SYNPO: variants seen among roughly 807,000 people sequenced by gnomAD.
The protein encoded by SYNPO is synaptopodin.
SYNPO carries 19 observed loss-of-function variants against 49.5 expected under a neutral mutation model. That is an observed-to-expected ratio of 0.38 (90% confidence interval 0.27 to 0.56). The LOEUF (loss-of-function observed/expected upper bound fraction) is 0.56. Ranked by LOEUF, SYNPO falls within the 20% of genes least tolerant of loss-of-function variation. The probability of loss-of-function intolerance (pLI) is 0.68; values close to 1 mark genes in which losing one functional copy is unlikely to be tolerated. For missense variants in SYNPO, 1,131 were observed against 1,248.3 expected, an observed-to-expected ratio of 0.91 and a Z score of 1.42; for synonymous variants, 536 against 548.0, an observed-to-expected ratio of 0.98 and a Z score of 0.31.
rs1758170809 is a variant in SYNPO, at chr5:150,648,044, T to C, written c.-232T>C. On this transcript the variant is annotated 5_prime_UTR_variant, in exon 2 of 3. Coordinates refer to ENST00000307662, the MANE Select transcript of SYNPO (RefSeq NM_007286.6). This position sits in a 1 kb window ranked among gnomAD's most constrained non-coding sequence, Gnocchi z 5.0. ...AGCTGACCACCCCTCCCAGCTCCAA[T>C]TCCCGTGGCGTCCAGCTCTTCAACA... 6.4e-7 allele frequency: 1 copy of C among 1,551,764 alleles called. No homozygotes were observed. Among genetic ancestry groups the C allele is most frequent in the Middle Eastern group, 1.7e-4 (1 of 5,992 alleles).
intron 2 of SYNPO, among the ~76,000 whole-genome samples, chr5:150,635,615 T>C (rs1210594491): frequency 6.6e-6 from 1 of 152,164 alleles, no homozygotes; most frequent in African/African-American, 2.4e-5. Context: ...ATTACATGCA[T>C]GCGCTACTAT....
At chr5:150,608,478 A>C (rs1394170635) in intron 1 of SYNPO, 1 of 152,216 alleles carries the variant, frequency 6.6e-6, no homozygotes, top group East Asian at 1.9e-4. Flanking sequence ...GGAGAGGGTA[A>C]GAGCCTCTCC....
Position 150,657,285 on chromosome 5 carries a change from G to C in SYNPO, c.*198G>C. 1.6e-6 allele frequency: 1 copy of C among 625,726 alleles called. No individual in the cohort carries two copies. The highest frequency in any genetic ancestry group is 2.7e-6 in the Non-Finnish European group (1 of 368,470). 38.8% of individuals were successfully genotyped at this position (625,726 alleles called of 1,614,324 possible). ...TCTCATTCAGCTGTTGTGTGACCCT[G>C]GGTAAGACCCTTCCTTGTTTGACCC... On this transcript the variant is annotated 3_prime_UTR_variant, in exon 3 of 3. Transcript: ENST00000307662.
intron 2 of SYNPO, among the ~76,000 whole-genome samples, chr5:150,621,330 A>G (rs1425160562): frequency 6.6e-6 from 1 of 152,216 alleles, no homozygotes; most frequent in African/African-American, 2.4e-5. Flanking sequence ...AGGGGGCAGA[A>G]AAGACTTCAG....
intron 1 of SYNPO, among the ~76,000 whole-genome samples, chr5:150,643,707 G>A (rs1341787544): frequency 6.6e-6 from 1 of 152,004 alleles, no homozygotes; most frequent in Admixed American, 6.5e-5. Flanking sequence ...GCTAATTTTT[G>A]TATTTTTAGT....
intron 1 of SYNPO, among the ~76,000 whole-genome samples, chr5:150,612,112 G>A (rs1162525187): frequency 6.6e-6 from 1 of 152,204 alleles, no homozygotes; most frequent in African/African-American, 2.4e-5. Context: ...CATAGGTCAG[G>A]TTCGCAAGGA....
the SYNPO span, among the ~76,000 whole-genome samples, chr5:150,586,298 C>T: frequency 6.6e-5 from 10 of 152,338 alleles, no homozygotes; most frequent in South Asian, 4.1e-4. Context: ...ATCAATCTTC[C>T]GCTGCAGTGG....
At chr5:150,634,863 CCA>C (rs767392043) in intron 2 of SYNPO, among the ~76,000 whole-genome samples, 41 of 45,842 alleles carry the variant, frequency 8.9e-4, no homozygotes, top group South Asian at 5.6e-3. Context: ...CACACACACA[CCA>C]CACACACACA....
upstream of SYNPO, among the ~76,000 whole-genome samples, chr5:150,639,893 T>C (rs901910201): frequency 2.6e-5 from 4 of 152,218 alleles, no homozygotes; most frequent in African/African-American, 7.2e-5. Context: ...CAGACCCTCA[T>C]TGCTACAAAG....
the SYNPO span, among the ~76,000 whole-genome samples, chr5:150,588,408 G>T: frequency 6.6e-6 from 1 of 152,214 alleles, no homozygotes. Flanking sequence ...GAAGCTGGGG[G>T]TGTGTCTGCC....
In SYNPO at chr5:150,648,089, C is replaced by G; in HGVS notation, c.-187C>G. ...TCAACAGGCGCCGGCAGAGGGTGAA[C>G]GAGTTCACCTTGGAGAGCCACGGCC... On this transcript the variant is annotated 5_prime_UTR_variant, in exon 2 of 3. Transcript: ENST00000307662. The surrounding 1 kb of genome is among the most constrained non-coding windows in gnomAD (Gnocchi z 5.0). 3.2e-6 allele frequency: 5 copies of G among 1,551,794 alleles called. No homozygotes were observed. The highest frequency in any genetic ancestry group is 4.4e-6 in the Non-Finnish European group (5 of 1,147,018).
At chr5:150,618,995 G>A (rs747775464) in intron 2 of SYNPO, among the ~76,000 whole-genome samples, 4 of 151,954 alleles carry the variant, frequency 2.6e-5, no homozygotes, top group East Asian at 3.9e-4. Flanking sequence ...AAGAGGGCAC[G>A]TGAGAAGGCA....
At chr5:150,623,072 A>T (rs1407782639) in intron 2 of SYNPO, among the ~76,000 whole-genome samples, 1 of 152,208 alleles carries the variant, frequency 6.6e-6, no homozygotes, top group Non-Finnish European at 1.5e-5. Context: ...CAGCTGCCAC[A>T]TGTGAACACG....
chr5:150,650,443 CA>C (rs1243495898), intron 2 of SYNPO, 140 bp downstream of exon 2: 1 of 1,543,730 alleles, frequency 6.5e-7, no homozygotes, highest in African/African-American at 1.4e-5. Flanking sequence ...ATGGGGAGTC[CA>C]TGGTTCAAGG....
chr5:150,645,184 C>G (rs1447335655), intron 1 of SYNPO, among the ~76,000 whole-genome samples: 2 of 152,210 alleles, frequency 1.3e-5, no homozygotes, highest in Non-Finnish European at 2.9e-5. Flanking sequence ...CAGAATTCTT[C>G]CAGCTCTGAG....
intron 2 of SYNPO, among the ~76,000 whole-genome samples, chr5:150,634,760 A>ATGAGCTGT (rs1185502929): frequency 3.3e-5 from 5 of 151,820 alleles, no homozygotes; most frequent in African/African-American, 1.2e-4. Context: ...GGTCACTGCC[A>ATGAGCTGT]TGAGCTGTAA....
chr5:150,598,287 G>T (rs2151328175), upstream of SYNPO, among the ~76,000 whole-genome samples: 1 of 152,330 alleles, frequency 6.6e-6, no homozygotes, highest in East Asian at 1.9e-4. Context: ...GGAAAGAAAA[G>T]ACTGAGGCTG....
At chr5:150,590,753 ATACT>A in the SYNPO span, among the ~76,000 whole-genome samples, 1 of 152,324 alleles carries the variant, frequency 6.6e-6, no homozygotes, top group South Asian at 2.1e-4. Context: ...TTCACAGAAA[ATACT>A]TAGCACGGTG....
At chr5:150,618,750 G>C in exon 2 of SYNPO, 2 of 1,551,264 alleles carry the variant, frequency 1.3e-6, no homozygotes, top group East Asian at 2.4e-5. Flanking sequence ...CCTGGGCCCA[G>C]AGTGGCCCAG....
Sources: gnomAD v4.1 joint callset for allele counts (sites outside exome capture counted in the v4.1 genomes callset) on GRCh38, gnomAD v4.1.1 for gene constraint, Gnocchi (gnomAD v3.1) non-coding constraint, MANE v1.5 for transcripts, NCBI Gene and HGNC (gene_info 2026-07-23, HGNC 2026-07-21) for gene names.